The following TTC6 variants were observed in gnomAD, a reference collection of about 807,000 sequenced individuals.
TTC6 encodes tetratricopeptide repeat domain 6, also known as tetratricopeptide repeat protein 6.
In TTC6, 172 loss-of-function variants were observed where a neutral mutation model predicts 210.4. The observed-to-expected ratio is 0.82, with a 90% confidence interval of 0.72 to 0.93. The LOEUF (loss-of-function observed/expected upper bound fraction) is 0.93. TTC6 is among the 40% of genes least tolerant of loss of function. The probability of loss-of-function intolerance (pLI) is 0.00; values close to 1 mark genes in which losing one functional copy is unlikely to be tolerated. For synonymous variants in TTC6, 804 were observed against 819.6 expected, an observed-to-expected ratio of 0.98 and a Z score of 0.32; for missense variants, 2,414 against 2,318.1, an observed-to-expected ratio of 1.04 and a Z score of -0.85.
chr14:37,670,067 C>A (rs1204749582), intron 1 of TTC6, among the ~76,000 whole-genome samples: 1 of 152,128 alleles, frequency 6.6e-6, no homozygotes, highest in Admixed American at 6.5e-5. Flanking sequence ...CACTCTTCAT[C>A]TTAATTAGGG....
intron 14 of TTC6, among the ~76,000 whole-genome samples, chr14:37,766,013 G>T (rs1283026057): frequency 6.6e-6 from 1 of 152,068 alleles, no homozygotes; most frequent in African/African-American, 2.4e-5. Flanking sequence ...GTTGTTGACA[G>T]ATTGATCATA....
chr14:37,814,358 A>T (rs1229437749), intron 25 of TTC6, among the ~76,000 whole-genome samples: 1 of 152,090 alleles, frequency 6.6e-6, no homozygotes, highest in Non-Finnish European at 1.5e-5. Flanking sequence ...CCCTTGTTTC[A>T]TTTAGGTTTC....
At chr14:37,718,531 G>A (rs1438438040) in intron 6 of TTC6, among the ~76,000 whole-genome samples, 1 of 150,392 alleles carries the variant, frequency 6.6e-6, no homozygotes, top group African/African-American at 2.5e-5. Flanking sequence ...GAAATTCTAG[G>A]CAGTGCATTA....
intron 1 of TTC6, among the ~76,000 whole-genome samples, chr14:37,597,695 C>T (rs1374073451): frequency 1.3e-5 from 2 of 152,172 alleles, no homozygotes; most frequent in Admixed American, 1.3e-4. Flanking sequence ...TCAGGGATCC[C>T]AGGTTCGCAG....
chr14:37,706,724 CTG>C (rs1304921331), intron 5 of TTC6, among the ~76,000 whole-genome samples: 3 of 152,022 alleles, frequency 2.0e-5, no homozygotes, highest in Admixed American at 2.0e-4. Context: ...ATTCAAGAAA[CTG>C]TTAATTGTGA....
intron 5 of TTC6, among the ~76,000 whole-genome samples, chr14:37,710,062 A>G (rs994717489): frequency 2.0e-4 from 30 of 152,144 alleles, no homozygotes; most frequent in African/African-American, 7.2e-4. Context: ...TGTGAGATTG[A>G]CTTTGATGAA....
At chr14:37,768,738 C>T (rs888122084) in intron 14 of TTC6, among the ~76,000 whole-genome samples, 4 of 152,090 alleles carry the variant, frequency 2.6e-5, no homozygotes, top group Non-Finnish European at 5.9e-5. Flanking sequence ...ACAATCATGT[C>T]GTCTGCAAAG....
At chr14:37,839,290 C>T (rs1490274337) in intron 29 of TTC6, among the ~76,000 whole-genome samples, 3 of 152,226 alleles carry the variant, frequency 2.0e-5, no homozygotes, top group Non-Finnish European at 4.4e-5. Context: ...TGTTTCTCCA[C>T]ATCCTCTCCA....
At chr14:37,767,369 C>T (rs1266713030) in intron 14 of TTC6, among the ~76,000 whole-genome samples, 8 of 152,152 alleles carry the variant, frequency 5.3e-5, no homozygotes, top group Non-Finnish European at 7.4e-5. Flanking sequence ...CCTGAGGAAT[C>T]GCCACACTGA....
chr14:37,838,250 A>T (rs2096202406), intron 29 of TTC6, among the ~76,000 whole-genome samples: 1 of 152,222 alleles, frequency 6.6e-6, no homozygotes, highest in African/African-American at 2.4e-5. Flanking sequence ...CCAGTTAAAA[A>T]AATTCTAGTA....
intron 14 of TTC6, among the ~76,000 whole-genome samples, chr14:37,782,549 A>G (rs12890605): frequency 0.011 from 1,643 of 146,574 alleles, 26 homozygotes; most frequent in Non-Finnish European, 0.018. Context: ...GGGTTTTCTG[A>G]ATATACAATC....
At chr14:37,694,980 G>T (rs2095811854) in intron 3 of TTC6, among the ~76,000 whole-genome samples, 1 of 146,548 alleles carries the variant, frequency 6.8e-6, no homozygotes, top group Admixed American at 7.0e-5. Context: ...GGTTGAGGCT[G>T]CAGTGCATTG....
At chr14:37,691,811 A>G (rs1292443688) in intron 3 of TTC6, among the ~76,000 whole-genome samples, 1 of 152,178 alleles carries the variant, frequency 6.6e-6, no homozygotes, top group East Asian at 1.9e-4. Flanking sequence ...CTAAGAAAAG[A>G]AGACAGAAGA....
At chr14:37,824,922 A>G (rs1348993139) in intron 27 of TTC6, among the ~76,000 whole-genome samples, 1 of 152,128 alleles carries the variant, frequency 6.6e-6, no homozygotes, top group Admixed American at 6.6e-5. Context: ...TAAAGGCCTT[A>G]TGGTCCAGTT....
intron 29 of TTC6, among the ~76,000 whole-genome samples, chr14:37,840,643 C>A (rs2096207867): frequency 6.6e-6 from 1 of 152,112 alleles, no homozygotes; most frequent in Non-Finnish European, 1.5e-5. Flanking sequence ...AAAACTTATC[C>A]ACACATGATC....
At chr14:37,611,210 C>A (rs2095633763) in intron 2 of TTC6, 1 of 152,276 alleles carries the variant, frequency 6.6e-6, no homozygotes, top group African/African-American at 2.4e-5. Flanking sequence ...GCGCGCGGCT[C>A]GTTGCTGGGC....
intron 1 of TTC6, among the ~76,000 whole-genome samples, chr14:37,676,819 T>C (rs2095770796): frequency 6.6e-6 from 1 of 152,080 alleles, no homozygotes; most frequent in Non-Finnish European, 1.5e-5. Context: ...GAAGAGTGTA[T>C]TTGTTTCCCA....
intron 3 of TTC6, among the ~76,000 whole-genome samples, chr14:37,694,017 C>CAAACAA (rs2095809693): frequency 4.7e-5 from 7 of 147,690 alleles, no homozygotes; most frequent in African/African-American, 1.6e-4. Context: ...CAAACAAACA[C>CAAACAA]TGGGGAAACT....
chr14:37,619,487 T>C (rs1184039539), upstream of TTC6, among the ~76,000 whole-genome samples: 1 of 152,176 alleles, frequency 6.6e-6, no homozygotes, highest in African/African-American at 2.4e-5. Flanking sequence ...AAATATATTT[T>C]CCACATTTAA....
Sources: gnomAD v4.1 joint callset for allele counts (sites outside exome capture counted in the v4.1 genomes callset) on GRCh38, gnomAD v4.1.1 for gene constraint, MANE v1.5 for transcripts, NCBI Gene and HGNC (gene_info 2026-07-23, HGNC 2026-07-21) for gene names.